Variants in PCDH7 observed in about 807,000 individuals in gnomAD.
PCDH7 encodes protocadherin-7.
Under a neutral mutation model 58.9 loss-of-function variants are expected in PCDH7, and 17 were observed. That is an observed-to-expected ratio of 0.29 (90% confidence interval 0.20 to 0.43). PCDH7 has a LOEUF of 0.43. Among genes scored for constraint, PCDH7 ranks in the 20% least tolerant of loss-of-function variants. PCDH7 has a pLI of 1.00. For synonymous variants in PCDH7, 664 were observed against 616.4 expected, an observed-to-expected ratio of 1.08 and a Z score of -1.14; for missense variants, 1,274 against 1,441.0, an observed-to-expected ratio of 0.88 and a Z score of 1.88.
intron 2 of PCDH7, among the ~76,000 whole-genome samples, chr4:30,933,317 A>G (rs7667487): frequency 0.6 from 91,388 of 151,852 alleles, 27,653 homozygotes; most frequent in East Asian, 0.77. Flanking sequence ...GAGCCACTGC[A>G]CCTGGCCAGG....
At chr4:30,879,587 G>C (rs1015286323) in intron 1 of PCDH7, among the ~76,000 whole-genome samples, 3 of 152,028 alleles carry the variant, frequency 2.0e-5, no homozygotes, top group Non-Finnish European at 2.9e-5. Context: ...TATGTTTCTT[G>C]CATCTAATTC....
intron 3 of PCDH7, among the ~76,000 whole-genome samples, chr4:31,080,703 G>A (rs1759428807): frequency 6.6e-6 from 1 of 152,148 alleles, no homozygotes; most frequent in African/African-American, 2.4e-5. Context: ...AAAATGAAGA[G>A]TAAACTTGCC....
chr4:31,021,626 C>T (rs1202017648), intron 3 of PCDH7, among the ~76,000 whole-genome samples: 2 of 152,216 alleles, frequency 1.3e-5, no homozygotes, highest in South Asian at 2.1e-4. Context: ...ATTCCAGCCT[C>T]TCTCAAGACT....
At position 30,723,271 on chromosome 4, in the gene PCDH7, C is replaced by A. The variant is rs749820520; in HGVS notation, c.1849C>A (p.Pro617Thr). 3 of 1,614,080 alleles carry A rather than the reference C, an allele frequency of 1.9e-6. No individual in the cohort carries two copies. The highest frequency in any genetic ancestry group is 2.7e-5 in the African/African-American group (2 of 74,932). Residue 617 changes from proline (P) to threonine (T), a missense_variant, in exon 1 of 2, where the codon CCC (proline) becomes ACC (threonine). Coordinates refer to ENST00000361762, the Ensembl canonical transcript of PCDH7. This position sits in a 1 kb window ranked among gnomAD's most constrained non-coding sequence, Gnocchi z 4.6. Reference sequence around the variant, plus strand: ...AGTTAACGCCAAAGACAAAGGCATCCCCGTGCTGCAGGGCAGCACTACGGT... The same window carrying A: ...AGTTAACGCCAAAGACAAAGGCATCACCGTGCTGCAGGGCAGCACTACGGT...
rs953838860 is a variant in PCDH7 at position 30,721,344 on chromosome 4, G to T, written c.-79G>T. The stretch of plus-strand genomic sequence containing the variant: ...GAGAGGGGAGAGGACTCGGGGGAGG[G>T]CAGGCGGCCGGCCCCGGAGGAGGGG... On this transcript the variant is annotated 5_prime_UTR_variant, in exon 1 of 2. Transcript: ENST00000361762. The surrounding 1 kb of genome is among the most constrained non-coding windows in gnomAD (Gnocchi z 6.7). 1 of 1,338,608 alleles carries T rather than the reference G, an allele frequency of 7.5e-7. No individual in the cohort carries two copies. Among genetic ancestry groups the T allele is most frequent in the Non-Finnish European group, 9.9e-7 (1 of 1,014,260 alleles). 82.9% of individuals were successfully genotyped at this position (1,338,608 alleles called of 1,614,324 possible). A position where few individuals can be genotyped will look rare whatever the true frequency, so the allele number is the denominator to read the frequency against.
At chr4:30,805,727 A>G (rs1339469821) in intron 1 of PCDH7, among the ~76,000 whole-genome samples, 5 of 152,132 alleles carry the variant, frequency 3.3e-5, no homozygotes, top group Non-Finnish European at 4.4e-5. Flanking sequence ...CCAACCTATC[A>G]GTCATTACGT....
intron 2 of PCDH7, among the ~76,000 whole-genome samples, chr4:30,947,084 C>T (rs1746783406): frequency 6.6e-6 from 1 of 152,116 alleles, no homozygotes; most frequent in Non-Finnish European, 1.5e-5. Flanking sequence ...TCTCTGCTTA[C>T]AGTTGCACAT....
intron 1 of PCDH7, among the ~76,000 whole-genome samples, chr4:30,878,639 A>G (rs1736583993): frequency 6.6e-6 from 1 of 152,114 alleles, no homozygotes; most frequent in East Asian, 1.9e-4. Context: ...ACCTGAGGTC[A>G]GGAGTTCAAG....
rs1296551906 is a variant in PCDH7 at position 30,720,970 on chromosome 4, C to A, written c.-453C>A. Reference sequence around the variant, plus strand: ...GGCGGGGGAGGCTGCAGGCTCATTCCCCACCTCTTCCCAGCCCCACTGCCC... The same window carrying A: ...GGCGGGGGAGGCTGCAGGCTCATTCACCACCTCTTCCCAGCCCCACTGCCC... On this transcript the variant is annotated 5_prime_UTR_variant, in exon 1 of 2. Transcript: ENST00000361762. This position sits in a 1 kb window ranked among gnomAD's most constrained non-coding sequence, Gnocchi z 4.7. 1 of 163,066 alleles carries A rather than the reference C, an allele frequency of 6.1e-6. No individual in the cohort carries two copies. The allele number at this position is 163,066 out of a possible 1,614,324, so 10.1% of individuals were successfully genotyped here. A position where few individuals can be genotyped will look rare whatever the true frequency, so the allele number is the denominator to read the frequency against.
intron 3 of PCDH7, among the ~76,000 whole-genome samples, chr4:31,011,498 G>A (rs147674065): frequency 2.0e-5 from 3 of 151,806 alleles, no homozygotes; most frequent in Non-Finnish European, 2.9e-5. Flanking sequence ...ATTTCTTTCC[G>A]ACCTTCTCTT....
intron 3 of PCDH7, among the ~76,000 whole-genome samples, chr4:30,950,647 A>G (rs903714945): frequency 2.0e-5 from 3 of 152,240 alleles, no homozygotes; most frequent in African/African-American, 7.2e-5. Flanking sequence ...ACAAAATTTT[A>G]TGCACATAAT....
At chr4:30,756,343 A>G (rs1362157121) in intron 1 of PCDH7, among the ~76,000 whole-genome samples, 1 of 152,010 alleles carries the variant, frequency 6.6e-6, no homozygotes, top group East Asian at 1.9e-4. Context: ...CACACGGGGG[A>G]TCAAATTTCA....
At chr4:31,097,993 C>G (rs1231611694) in intron 3 of PCDH7, among the ~76,000 whole-genome samples, 1 of 152,044 alleles carries the variant, frequency 6.6e-6, no homozygotes, top group Non-Finnish European at 1.5e-5. Context: ...AGGAAAGATT[C>G]TTTCAGGTCA....
At chr4:30,787,764 T>C (rs1204249207) in intron 1 of PCDH7, among the ~76,000 whole-genome samples, 9 of 152,098 alleles carry the variant, frequency 5.9e-5, no homozygotes, top group Admixed American at 5.9e-4. Flanking sequence ...TGAAGGTATG[T>C]GTATGCACTT....
At chr4:30,920,994 A>G (rs1377399806) in intron 2 of PCDH7, among the ~76,000 whole-genome samples, 1 of 152,056 alleles carries the variant, frequency 6.6e-6, no homozygotes, top group Non-Finnish European at 1.5e-5. Flanking sequence ...AATACTCCAT[A>G]TTTTTATACT....
At chr4:31,140,439 T>C (rs893055793) in intron 3 of PCDH7, among the ~76,000 whole-genome samples, 1 of 151,844 alleles carries the variant, frequency 6.6e-6, no homozygotes, top group Admixed American at 6.6e-5. Flanking sequence ...AAATTCCTGA[T>C]TATTTTCCCA....
chr4:31,107,374 C>A (rs541880038), intron 3 of PCDH7, among the ~76,000 whole-genome samples: 2 of 152,194 alleles, frequency 1.3e-5, no homozygotes, highest in Admixed American at 1.3e-4. Context: ...AACTGGCATA[C>A]AAAATCGCTG....
At chr4:31,031,095 T>G (rs1754875771) in intron 3 of PCDH7, among the ~76,000 whole-genome samples, 1 of 152,006 alleles carries the variant, frequency 6.6e-6, no homozygotes, top group African/African-American at 2.4e-5. Context: ...GTGGTGGTAA[T>G]ATGAGGAGGA....
chr4:30,947,039 A>G (rs1024161229), intron 2 of PCDH7, among the ~76,000 whole-genome samples: 3 of 152,016 alleles, frequency 2.0e-5, no homozygotes, highest in African/African-American at 7.2e-5. Flanking sequence ...ATCCCAGCTA[A>G]AGAACTCATT....
Sources: gnomAD v4.1 joint callset for allele counts (sites outside exome capture counted in the v4.1 genomes callset) on GRCh38, gnomAD v4.1.1 for gene constraint, Gnocchi (gnomAD v3.1) non-coding constraint, MANE v1.5 for transcripts, NCBI Gene and HGNC (gene_info 2026-07-23, HGNC 2026-07-21) for gene names.